The following C5 variants were observed in gnomAD, a reference collection of about 807,000 sequenced individuals.
C5 encodes the protein complement C5, also known as C3 and PZP-like alpha-2-macroglobulin domain-containing protein 4.
Under a neutral mutation model 218.8 loss-of-function variants are expected in C5, and 140 were observed. The ratio of observed to expected loss-of-function variants is 0.64; its 90% confidence interval spans 0.56 to 0.74. The LOEUF (loss-of-function observed/expected upper bound fraction) is 0.74, where lower values mean the gene tolerates loss of function less well. Ranked by LOEUF, C5 falls within the 30% of genes least tolerant of loss-of-function variation. C5 has a pLI of 0.00. For missense variants in C5, 1,700 were observed against 1,969.6 expected, an observed-to-expected ratio of 0.86 and a Z score of 2.59; for synonymous variants, 614 against 682.3, an observed-to-expected ratio of 0.90 and a Z score of 1.56.
At chr9:120,964,976 G>T (rs1025363824) in intron 33 of C5, among the ~76,000 whole-genome samples, 1 of 152,118 alleles carries the variant, frequency 6.6e-6, no homozygotes. Context: ...AGAGACAGAC[G>T]GAGTGTGATT....
Position 121,025,593 on chromosome 9 carries a change from A to AC in C5, c.874-14_874-13insG. 1.2e-6 allele frequency: 2 copies of AC among 1,610,470 alleles called. No individual in the cohort carries two copies. Among genetic ancestry groups the AC allele is most frequent in the Non-Finnish European group, 1.7e-6 (2 of 1,178,960 alleles). On this transcript the variant is annotated splice_polypyrimidine_tract_variant and intron_variant, in intron 8 of 40. Transcript: ENST00000223642. Reference sequence around the variant, plus strand: ...TTCCATTTATCAACTTTTTAAAAGGAGAAAAAGGAGGAGTTATTTCGGAGA... The same window carrying AC: ...TTCCATTTATCAACTTTTTAAAAGGACGAAAAAGGAGGAGTTATTTCGGAGA...
chr9:121,070,433 A>G, the C5 span, among the ~76,000 whole-genome samples: 1 of 134,920 alleles, frequency 7.4e-6, no homozygotes. Flanking sequence ...ATATGTATGT[A>G]TATTCTGTAT....
intron 9 of C5, among the ~76,000 whole-genome samples, chr9:121,025,216 T>C (rs1020314442): frequency 2.0e-5 from 3 of 152,152 alleles, no homozygotes; most frequent in Non-Finnish European, 4.4e-5. Flanking sequence ...ATTTTTGCAG[T>C]AGAAGTGGAG....
At chr9:121,021,102 C>G (rs2047361338) in intron 11 of C5, among the ~76,000 whole-genome samples, 1 of 152,126 alleles carries the variant, frequency 6.6e-6, no homozygotes. Flanking sequence ...ATTAAGTGGG[C>G]TCTAAAGTAG....
rs550189907 is a variant in C5, at chr9:121,025,407, CAAAAG to C, written c.1000+42_1000+46del. On this transcript the variant is annotated intron_variant, in intron 9 of 40. Transcript: ENST00000223642. Reference sequence around the variant, plus strand: ...TTTAATATTCTGTCTAAATATTTTTCAAAAGAAAGTATACACACACACACACACAC... The same window carrying C: ...TTTAATATTCTGTCTAAATATTTTTCAAAGTATACACACACACACACACAC... The C allele has an allele frequency of 8.2e-4, 789 of 961,582 alleles. No individual in the cohort carries two copies. The African/African-American group carries it at 0.013, about 15-fold the overall frequency. The allele number at this position is 961,582 out of a possible 1,614,324, so 59.6% of individuals were successfully genotyped here.
chr9:121,024,016 G>A (rs145540799), intron 9 of C5, among the ~76,000 whole-genome samples: 8 of 150,008 alleles, frequency 5.3e-5, no homozygotes, highest in African/African-American at 7.4e-5. Flanking sequence ...GAGACCAGCC[G>A]GGCCAACATG....
chr9:120,956,571 T>C (rs1252790252), intron 39 of C5, among the ~76,000 whole-genome samples: 2 of 152,198 alleles, frequency 1.3e-5, no homozygotes, highest in South Asian at 2.1e-4. Context: ...AATATTCATA[T>C]GGAACAAAGA....
chr9:120,981,440 G>T (rs1209656051), intron 27 of C5, among the ~76,000 whole-genome samples: 1 of 152,158 alleles, frequency 6.6e-6, no homozygotes, highest in African/African-American at 2.4e-5. Flanking sequence ...CTCAGTACTT[G>T]CATGATACAG....
chr9:120,960,311 A>G lies in C5; in HGVS notation c.4615T>C (p.Leu1539=), dbSNP rs548496434. ...EADCGQMQEE[L]DLTISAETRK... is the part of the protein sequence containing the mutation. ...GTCTCTGCAGAGATTGTCAGATCCA[A>G]TTCTTCCTGCATTTGCCCACAATCA... Residue 1539 remains leucine, a synonymous_variant, in exon 38 of 41, where the codon TTG becomes CTG. Transcript: ENST00000223642. The G allele has an allele frequency of 1.7e-5, 27 of 1,613,418 alleles. No homozygotes were observed. In the Admixed American group the frequency reaches 4.2e-4, roughly 25 times the overall value.
At chr9:121,000,726 T>C (rs1332192440) in intron 20 of C5, among the ~76,000 whole-genome samples, 1 of 152,174 alleles carries the variant, frequency 6.6e-6, no homozygotes, top group Non-Finnish European at 1.5e-5. Flanking sequence ...AGGTCTGTTG[T>C]ATAGGTAAAT....
At chr9:120,989,811 T>A in intron 23 of C5, 31 bp from the exon 24 acceptor site, 1 of 1,530,006 alleles carries the variant, frequency 6.5e-7, no homozygotes, top group South Asian at 1.1e-5. Flanking sequence ...GTAGACACAT[T>A]GCTTTTTATT....
upstream of C5, chr9:121,050,371 T>C (rs2047663056): frequency 8.5e-6 from 7 of 823,890 alleles, no homozygotes; most frequent in Non-Finnish European, 1.5e-5. Context: ...AACCTCTAAG[T>C]GGGAAAACTA....
chr9:121,053,456 C>T (rs59504421), upstream of C5, among the ~76,000 whole-genome samples: 1 of 151,894 alleles, frequency 6.6e-6, no homozygotes, highest in Non-Finnish European at 1.5e-5. Context: ...GGAGAGAGGG[C>T]GGAGGTGGAG....
chr9:121,061,644 T>G, the C5 span, among the ~76,000 whole-genome samples: 1 of 152,274 alleles, frequency 6.6e-6, no homozygotes, highest in Admixed American at 6.5e-5. Context: ...AAAGGGAAAT[T>G]AATAACTTTA....
chr9:121,052,479 T>C (rs1018334041), upstream of C5, among the ~76,000 whole-genome samples: 4 of 150,580 alleles, frequency 2.7e-5, no homozygotes, highest in African/African-American at 9.8e-5. Flanking sequence ...AAAAAGATGA[T>C]TTTTTTTCTT....
chr9:120,961,365 A>G (rs2046826049), intron 37 of C5, 117 bp downstream of exon 37: 2 of 724,438 alleles, frequency 2.8e-6, no homozygotes, highest in Admixed American at 4.0e-5. Context: ...TAGCTGAGAT[A>G]GCATTTCTAC....
At chr9:121,043,189 A>G in intron 2 of C5, 23 bp from the exon 3 acceptor site, 1 of 1,581,626 alleles carries the variant, frequency 6.3e-7, no homozygotes, top group Middle Eastern at 1.8e-4. Context: ...TTGTTGATGG[A>G]AAAAGTATAA....
rs1351821131 is a variant in C5 at position 121,015,200 on chromosome 9, T to G, written c.2058A>C (p.Ile686=). The G allele has an allele frequency of 6.3e-7, 1 of 1,592,064 alleles. No homozygotes were observed. The highest frequency in any genetic ancestry group is 8.6e-7 in the Non-Finnish European group (1 of 1,161,138). The change falls in exon 16 of 41, where the codon ATA becomes ATC. Residue 686 remains isoleucine, a splice_region_variant and synonymous_variant. Transcript: ENST00000223642. ...ACAATCACATGAATCTTACAGTACC[T>G]ATTTCTTCTATCTTCTTTTGCAGCG... ...RRTLQKKIEE[I]AAKYKHSVVK...
intron 12 of C5, among the ~76,000 whole-genome samples, chr9:121,019,253 T>C (rs2131767594): frequency 6.6e-6 from 1 of 152,342 alleles, no homozygotes; most frequent in Admixed American, 6.5e-5. Context: ...AGTTTCCCTT[T>C]ATCAGTCAAT....
Sources: allele counts gnomAD v4.1 joint callset (sites outside exome capture counted in the v4.1 genomes callset), GRCh38; gene constraint gnomAD v4.1.1; transcripts MANE v1.5; gene names NCBI Gene and HGNC (gene_info 2026-07-23, HGNC 2026-07-21).